Variants in PXK observed in about 807,000 individuals in gnomAD.
PXK encodes PX domain containing serine/threonine kinase like.
In PXK, 35 loss-of-function variants were observed where a neutral mutation model predicts 84.7. The observed-to-expected ratio is 0.41, with a 90% CI of 0.32 to 0.55. The LOEUF is 0.55. PXK is among the 20% of genes least tolerant of loss of function. The pLI, the probability that PXK is intolerant of heterozygous loss-of-function variation, is 0.21. For synonymous variants in PXK, 253 were observed against 260.8 expected, an observed-to-expected ratio of 0.97 and a Z score of 0.29; for missense variants, 634 against 699.7, an observed-to-expected ratio of 0.91 and a Z score of 1.06.
intron 3 of PXK, among the ~76,000 whole-genome samples, chr3:58,369,841 A>G (rs1480421333): frequency 2.1e-5 from 3 of 146,070 alleles, no homozygotes; most frequent in Non-Finnish European, 4.5e-5. Flanking sequence ...AAAAAAAAAA[A>G]CAAAACTGGT....
chr3:58,422,553 A>T (rs1181715779), intron 17 of PXK: 1 of 985,074 alleles, frequency 1.0e-6, no homozygotes, highest in Non-Finnish European at 1.2e-6. Flanking sequence ...GTGACAGTGG[A>T]AAATCCATGT....
At chr3:58,348,371 G>C (rs2097858249) in intron 1 of PXK, among the ~76,000 whole-genome samples, 1 of 152,152 alleles carries the variant, frequency 6.6e-6, no homozygotes, top group Admixed American at 6.6e-5. Context: ...ACCAGACAAT[G>C]ATTTGTGTGA....
intron 7 of PXK, among the ~76,000 whole-genome samples, chr3:58,393,859 T>A (rs6445978): frequency 0.29 from 44,634 of 152,112 alleles, 7,329 homozygotes; most frequent in Middle Eastern, 0.39. Flanking sequence ...GGCATTCTAC[T>A]CTAAAGAGCT....
At position 58,383,107 on chromosome 3, in the gene PXK, C is replaced by A. The variant is rs1225493803; in HGVS notation, c.388+407C>A. Among the ~76,000 whole-genome samples the A allele has an allele frequency of 6.6e-6, 1 of 152,166 alleles. No homozygotes were observed. Among genetic ancestry groups the A allele is most frequent in the African/African-American group, 2.4e-5 (1 of 41,440 alleles). On this transcript the variant is annotated intron_variant, in intron 4 of 17. Transcript: ENST00000356151. The surrounding 1 kb of genome is among the most constrained non-coding windows in gnomAD (Gnocchi z 4.0). ...AGGAGTTTGAGTCCAGCCTGGCCAA[C>A]ATGGTGAAACCCTGTCTCTACTAAA...
chr3:58,387,095 G>T (rs2098557634), intron 4 of PXK, among the ~76,000 whole-genome samples: 1 of 152,208 alleles, frequency 6.6e-6, no homozygotes, highest in Non-Finnish European at 1.5e-5. Flanking sequence ...ATGGGGCTGC[G>T]ATCCAGGAAT....
In PXK at chr3:58,397,658, T is replaced by C. The variant is rs746132465; in HGVS notation, c.1038T>C (p.Thr346=). 30 of 1,614,062 alleles carry C rather than the reference T, an allele frequency of 1.9e-5. No homozygotes were observed. Among genetic ancestry groups the C allele is most frequent in the Non-Finnish European group, 2.5e-5 (29 of 1,180,028 alleles). ...TTGGCCACTTACTGTATGAAATGAC[T>C]TATGGACGACCGCCAGACTCGGTGC... ...HCFGHLLYEM[T]YGRPPDSVPV... Residue 346 remains threonine, a synonymous_variant, in exon 11 of 18, where the codon ACT becomes ACC. Transcript: ENST00000356151. This position sits in a 1 kb window ranked among gnomAD's most constrained non-coding sequence, Gnocchi z 4.7.
intron 1 of PXK, among the ~76,000 whole-genome samples, chr3:58,363,610 C>A (rs1576039180): frequency 6.6e-6 from 1 of 152,238 alleles, no homozygotes; most frequent in African/African-American, 2.4e-5. Flanking sequence ...GCATGAGCCG[C>A]TGAGTCTGGC....
chr3:58,337,840 A>C (rs2097651008), intron 1 of PXK, among the ~76,000 whole-genome samples: 1 of 152,170 alleles, frequency 6.6e-6, no homozygotes. Flanking sequence ...TCAGCTTCTC[A>C]TCAGTGACCC....
rs2062682812 is a variant in PXK, at chr3:58,425,359, T to A, written c.*399T>A. The A allele has an allele frequency of 6.2e-6, 1 of 161,134 alleles. No homozygotes were observed. The highest frequency in any genetic ancestry group is 2.5e-5 in the African/African-American group (1 of 39,506). The allele number at this position is 161,134 out of a possible 1,614,324, so 10.0% of individuals were successfully genotyped here. A position where few individuals can be genotyped will look rare whatever the true frequency, so the allele number is the denominator to read the frequency against. The stretch of plus-strand genomic sequence containing the variant: ...CCCCATCAGACAGCTCCTAGAAACA[T>A]TCCTCTTACAGTTCATTTCTCTAAA... On this transcript the variant is annotated 3_prime_UTR_variant, in exon 18 of 18. Transcript: ENST00000356151.
In PXK at chr3:58,426,096, A is replaced by AT. The variant is rs1462038411; in HGVS notation, c.*1138dup. 6.6e-6 allele frequency: 1 copy of AT among 152,190 alleles called. No individual in the cohort carries two copies. The highest frequency in any genetic ancestry group is 1.5e-5 in the Non-Finnish European group (1 of 68,036). The allele number at this position is 152,190 out of a possible 1,614,324, so 9.4% of individuals were successfully genotyped here. A position where few individuals can be genotyped will look rare whatever the true frequency, so the allele number is the denominator to read the frequency against. On this transcript the variant is annotated 3_prime_UTR_variant, in exon 18 of 18. Coordinates refer to ENST00000356151, the MANE Select transcript of PXK (RefSeq NM_017771.5). ...AGCGTCTGTTGTTAGCAAAGAATAG[A>AT]TTCACACAGTCTAAGGTTTCCTTCC...
intron 17 of PXK, among the ~76,000 whole-genome samples, chr3:58,415,740 G>A (rs1325571991): frequency 1.3e-5 from 2 of 152,246 alleles, no homozygotes; most frequent in African/African-American, 4.8e-5. Flanking sequence ...AGAGTGCTGT[G>A]CAAGGAGGAC....
rs924329251 is a variant in PXK, at chr3:58,399,613, C to T, written c.1181+236C>T. ...TGTGTCATTTTCACGTGTATCTCCT[C>T]ACTCAGCGTTAGCATTGTGTGTACG... On this transcript the variant is annotated intron_variant, in intron 12 of 17. Coordinates refer to ENST00000356151, the MANE Select transcript of PXK (RefSeq NM_017771.5). The surrounding 1 kb of genome is among the most constrained non-coding windows in gnomAD (Gnocchi z 4.3). 6.6e-6 allele frequency among the ~76,000 whole-genome samples: 1 copy of T among 152,212 alleles called. No individual in the cohort carries two copies. The highest frequency in any genetic ancestry group is 1.5e-5 in the Non-Finnish European group (1 of 68,038).
chr3:58,333,888 T>G lies in PXK; in HGVS notation c.102+798T>G, dbSNP rs2097542194. Among the ~76,000 whole-genome samples, 1 of 152,008 alleles carries G rather than the reference T, an allele frequency of 6.6e-6. No homozygotes were observed. The highest frequency in any genetic ancestry group is 1.5e-5 in the Non-Finnish European group (1 of 67,968). On this transcript the variant is annotated intron_variant, in intron 1 of 17. Transcript: ENST00000356151. This position sits in a 1 kb window ranked among gnomAD's most constrained non-coding sequence, Gnocchi z 5.4. ...CATTTGCTTGTACCTTTTTTTTTTT[T>G]TGAAAGGCCCACTATGCATTATAAT...
chr3:58,413,193 C>T lies in PXK; in HGVS notation c.1528+230C>T, dbSNP rs548308662. 21 of 584,030 alleles carry T rather than the reference C, an allele frequency of 3.6e-5. No homozygotes were observed. The South Asian group carries it at 4.0e-4, about 11-fold the overall frequency. The allele number at this position is 584,030 out of a possible 1,614,324, so 36.2% of individuals were successfully genotyped here. On this transcript the variant is annotated intron_variant, in intron 17 of 17. Transcript: ENST00000356151. Reference sequence around the variant, plus strand: ...ACCGGTTTCAGGGCCACTAGCCACCCCCGGGCTCCAGCTTGCTGTCTTTGC... The same window carrying T: ...ACCGGTTTCAGGGCCACTAGCCACCTCCGGGCTCCAGCTTGCTGTCTTTGC...
intron 1 of PXK, among the ~76,000 whole-genome samples, chr3:58,339,386 T>C (rs114197309): frequency 0.017 from 2,608 of 151,820 alleles, 74 homozygotes; most frequent in African/African-American, 0.059. Context: ...CCACGTACCA[T>C]GCTCGGCTAA....
At chr3:58,422,773 C>G (rs1410864559) in intron 17 of PXK, 11 of 985,312 alleles carry the variant, frequency 1.1e-5, no homozygotes, top group Non-Finnish European at 1.3e-5. Context: ...CTCCAGCCCC[C>G]CAAAATCCTT....
intron 1 of PXK, among the ~76,000 whole-genome samples, chr3:58,345,080 T>G (rs2097792433): frequency 6.6e-6 from 1 of 152,110 alleles, no homozygotes. Flanking sequence ...GATAAAAAGA[T>G]GAATGAAGCA....
intron 3 of PXK, among the ~76,000 whole-genome samples, chr3:58,380,533 G>A (rs979450351): frequency 3.3e-5 from 5 of 152,136 alleles, no homozygotes; most frequent in African/African-American, 7.2e-5. Flanking sequence ...AAGAAAGGCC[G>A]GGTGCAGTGG....
In PXK at chr3:58,333,052, G is replaced by A; in HGVS notation, c.64G>A (p.Ala22Thr). 1 of 1,341,130 alleles carries A rather than the reference G, an allele frequency of 7.5e-7. No individual in the cohort carries two copies. The allele number at this position is 1,341,130 out of a possible 1,614,324, so 83.1% of individuals were successfully genotyped here. ...GCTGGACGACACGGTGCCGCTGACA[G>A]CAGCCATCGAGGCGAGCCAGAGCCT... ...VLLDDTVPLT[A>T]AIEASQSLQS... The change falls in exon 1 of 18, where the codon GCA (alanine) becomes ACA (threonine). Residue 22 changes from alanine to threonine, a missense_variant. Physicochemically the swap from Ala to Thr is moderately conservative, Grantham distance 58. Around this residue, in one of 3 missense-constraint regions of PXK, gnomAD observed 353 missense variants for 385.2 expected, o/e 0.92. Transcript: ENST00000356151. This position sits in a 1 kb window ranked among gnomAD's most constrained non-coding sequence, Gnocchi z 5.4.
Sources: gnomAD v4.1 joint callset for allele counts (sites outside exome capture counted in the v4.1 genomes callset) on GRCh38, gnomAD v4.1.1 for gene constraint, gnomAD v4.1.1 regional missense constraint, Gnocchi (gnomAD v3.1) non-coding constraint, MANE v1.5 for transcripts, NCBI Gene and HGNC (gene_info 2026-07-23, HGNC 2026-07-21) for gene names.